Variants in DNM1 observed in about 807,000 individuals in gnomAD.
DNM1 encodes the protein dynamin-1.
In DNM1, 29 loss-of-function variants were observed where a neutral mutation model predicts 104.6. That is an observed-to-expected ratio of 0.28 (90% CI 0.21 to 0.38). DNM1 has a LOEUF of 0.38. Among genes scored for constraint, DNM1 ranks in the 10% least tolerant of loss-of-function variants. DNM1 has a pLI of 1.00. For missense variants in DNM1, 640 were observed against 1,189.4 expected, an observed-to-expected ratio of 0.54 and a Z score of 6.79; for synonymous variants, 445 against 475.8, an observed-to-expected ratio of 0.94 and a Z score of 0.84.
In DNM1 at chr9:128,219,880, G is replaced by T. The variant is rs113130815; in HGVS notation, c.590-108G>T. 1.6e-5 allele frequency: 12 copies of T among 754,322 alleles called. 1 individual carries two copies. In the African/African-American group the frequency reaches 1.9e-4, roughly 12 times the overall value. 46.7% of individuals were successfully genotyped at this position (754,322 alleles called of 1,614,324 possible). A position where few individuals can be genotyped will look rare whatever the true frequency, so the allele number is the denominator to read the frequency against. ...GAATAAGGGGGAAAGAGAGGAGGCA[G>T]TGAGCAGGCAGGGGGCCGAGGAGAG... is the stretch of plus-strand genomic sequence containing the variant. On this transcript the variant is annotated intron_variant, in intron 4 of 21. Transcript: ENST00000372923.
rs1486631555 is a variant in DNM1 at position 128,220,406 on chromosome 9, T to A, written c.849+65T>A. ...ATGAAAACAGGATAAATTAAGTGTG[T>A]TCTGAGAGTGAACAGCAGAGGTTAG... On this transcript the variant is annotated intron_variant, in intron 6 of 21. Transcript: ENST00000372923. This position sits in a 1 kb window ranked among gnomAD's most constrained non-coding sequence, Gnocchi z 5.2. 12 of 1,584,500 alleles carry A rather than the reference T, an allele frequency of 7.6e-6. No homozygotes were observed. The highest frequency in any genetic ancestry group is 1.3e-5 in the African/African-American group (1 of 74,512).
At chr9:128,246,636 T>C in intron 16 of DNM1, 133 bp downstream of exon 16, 1 of 646,002 alleles carries the variant, frequency 1.5e-6, no homozygotes, top group Non-Finnish European at 2.8e-6. Flanking sequence ...TGACAGATGC[T>C]TATTGAGTTC....
Position 128,248,654 on chromosome 9 carries a change from G to A in DNM1, c.1977G>A (p.Val659=). ...TGGACCCACAGCTGGAACGGCAAGTGGAGACCATCCGGAATCTTGTGGACT... is the reference window on the plus strand; with the variant it reads ...TGGACCCACAGCTGGAACGGCAAGTAGAGACCATCCGGAATCTTGTGGACT... ...HSMDPQLERQ[V]ETIRNLVDSY... is the part of the protein sequence containing the mutation. Residue 659 remains valine (V), a synonymous_variant, in exon 19 of 22, where the codon GTG becomes GTA. Transcript: ENST00000372923. This position sits in a 1 kb window ranked among gnomAD's most constrained non-coding sequence, Gnocchi z 5.6. The A allele has an allele frequency of 1.2e-6, 2 of 1,614,062 alleles. No individual in the cohort carries two copies. Among genetic ancestry groups the A allele is most frequent in the East Asian group, 2.2e-5 (1 of 44,878 alleles).
In DNM1 at chr9:128,248,224, G is replaced by A. The variant is rs1299887344; in HGVS notation, c.1905+289G>A. On this transcript the variant is annotated intron_variant, in intron 18 of 21. Transcript: ENST00000372923. The surrounding 1 kb of genome is among the most constrained non-coding windows in gnomAD (Gnocchi z 5.6). ...CGCCTGTAATCCCAGCTACTCAGGA[G>A]GCTGAGGCAGGAGAATCGCTTGAAC... 1.9e-6 allele frequency: 1 copy of A among 517,948 alleles called. No individual in the cohort carries two copies. The highest frequency in any genetic ancestry group is 3.5e-6 in the Non-Finnish European group (1 of 287,832). 32.1% of individuals were successfully genotyped at this position (517,948 alleles called of 1,614,324 possible).
At position 128,239,761 on chromosome 9, in the gene DNM1, G is replaced by T; in HGVS notation, c.1527G>T (p.Lys509Asn). The T allele has an allele frequency of 6.2e-7, 1 of 1,613,942 alleles. No individual in the cohort carries two copies. Among genetic ancestry groups the T allele is most frequent in the Non-Finnish European group, 8.5e-7 (1 of 1,179,946 alleles). ...AQQRSNQMNK[K>N]KTSGNQDEIL... ...AGAGGAGCAACCAGATGAACAAGAAGAAGACTTCAGGGAACCAGGTGAGTG... is the reference window on the plus strand; with the variant it reads ...AGAGGAGCAACCAGATGAACAAGAATAAGACTTCAGGGAACCAGGTGAGTG... Residue 509 changes from lysine to asparagine, a missense_variant, in exon 13 of 22, where the codon AAG becomes AAT. Physicochemically the swap from Lys to Asn is moderately conservative, Grantham distance 94 (BLOSUM62 0). Around this residue, in one of 7 missense-constraint regions of DNM1, gnomAD observed 91 missense variants for 256.3 expected, o/e 0.36. Coordinates refer to ENST00000372923, the MANE Select transcript of DNM1 (RefSeq NM_004408.4).
rs377617725 is a variant in DNM1, at chr9:128,254,610, G to A, written c.2535-44G>A. The A allele has an allele frequency of 2.3e-5, 36 of 1,589,472 alleles. No homozygotes were observed. The highest frequency in any genetic ancestry group is 2.7e-5 in the Non-Finnish European group (32 of 1,175,458). The stretch of plus-strand genomic sequence containing the variant: ...CGCTTGCCTTACCAGCTCTCTCCTC[G>A]CTTTTCTCTCCCGTTTTCTCTCTGC... On this transcript the variant is annotated intron_variant, in intron 21 of 21. Transcript: ENST00000372923. The surrounding 1 kb of genome is among the most constrained non-coding windows in gnomAD (Gnocchi z 6.1).
chr9:128,246,038 A>C (rs1251288610), intron 15 of DNM1, among the ~76,000 whole-genome samples: 1 of 152,190 alleles, frequency 6.6e-6, no homozygotes, highest in Non-Finnish European at 1.5e-5. Flanking sequence ...ATGAAGTCAG[A>C]GGCGGCCAGG....
At chr9:128,239,000 T>C (rs1479704342) in intron 11 of DNM1, among the ~76,000 whole-genome samples, 1 of 151,360 alleles carries the variant, frequency 6.6e-6, no homozygotes, top group African/African-American at 2.4e-5. Flanking sequence ...TCTCCTCTCC[T>C]CTCCTCTCTT....
intron 11 of DNM1, among the ~76,000 whole-genome samples, chr9:128,237,358 T>G (rs1588419071): frequency 1.3e-5 from 2 of 150,560 alleles, no homozygotes; most frequent in Non-Finnish European, 3.0e-5. Context: ...GCCTCCCGGG[T>G]TCAAGCCATT....
intron 12 of DNM1, 52 bp downstream of exon 12, chr9:128,239,567 CGTGTGTGTGTGTGTGTGTGTGTGT>C (rs34036148): frequency 3.6e-5 from 32 of 882,372 alleles, no homozygotes; most frequent in African/African-American, 1.7e-4. Context: ...GAGAAGGTAA[CGTGTGTGTGTGTGTGTGTGTGTGT>C]GTGTGTGTGT....
chr9:128,226,219 T>C, intron 10 of DNM1: 2 of 1,607,622 alleles, frequency 1.2e-6, no homozygotes, highest in Non-Finnish European at 1.7e-6. Flanking sequence ...GTCCATTCCT[T>C]GTGGCCACAG....
chr9:128,242,537 A>G (rs1000805282), intron 15 of DNM1, among the ~76,000 whole-genome samples, 192 bp downstream of exon 15: 2 of 152,106 alleles, frequency 1.3e-5, no homozygotes, highest in African/African-American at 4.8e-5. Context: ...AGGCAGGTGG[A>G]TCACCTGCGG....
chr9:128,220,901 C>CTTTCTTTCTTTCTT lies in DNM1; in HGVS notation c.849+562_849+575dup, dbSNP rs1331665192. On this transcript the variant is annotated intron_variant, in intron 6 of 21. Transcript: ENST00000372923. This position sits in a 1 kb window ranked among gnomAD's most constrained non-coding sequence, Gnocchi z 5.2. ...CTTTATTTGTTTTCTTTCTTTCTTTCTTTCTTTCTTTCTTTCTTTCTTTCT... is the reference window on the plus strand; with the variant it reads ...CTTTATTTGTTTTCTTTCTTTCTTTCTTTCTTTCTTTCTTTTTCTTTCTTTCTTTCTTTCTTTCT... Among the ~76,000 whole-genome samples the CTTTCTTTCTTTCTT allele has an allele frequency of 7.0e-6, 1 of 143,310 alleles. No individual in the cohort carries two copies. 94.0% of individuals were successfully genotyped at this position (143,310 alleles called of 152,430 possible). A position where few individuals can be genotyped will look rare whatever the true frequency, so the allele number is the denominator to read the frequency against.
chr9:128,234,118 C>T lies in DNM1; in HGVS notation c.1422+11C>T. ...CGCACTAAGGAGCAGGTGAGCCCCG[C>T]AGCACCCGGCCTGGCCGCGCCTTCC... On this transcript the variant is annotated intron_variant, in intron 11 of 21. Transcript: ENST00000372923. 2 of 1,528,256 alleles carry T rather than the reference C, an allele frequency of 1.3e-6. No homozygotes were observed. Among genetic ancestry groups the T allele is most frequent in the East Asian group, 2.5e-5 (1 of 40,300 alleles). 94.7% of individuals were successfully genotyped at this position (1,528,256 alleles called of 1,614,324 possible). A position where few individuals can be genotyped will look rare whatever the true frequency, so the allele number is the denominator to read the frequency against.
At chr9:128,242,525 C>A (rs373691152) in intron 15 of DNM1, among the ~76,000 whole-genome samples, 180 bp downstream of exon 15, 1 of 152,032 alleles carries the variant, frequency 6.6e-6, no homozygotes, top group Admixed American at 6.6e-5. Flanking sequence ...TTTGGGAGGC[C>A]GAGGCAGGTG....
rs1187265178 is a variant in DNM1 at position 128,247,535 on chromosome 9, C to T, written c.1893+49C>T. The T allele has an allele frequency of 1.4e-6, 2 of 1,415,930 alleles. No individual in the cohort carries two copies. Among genetic ancestry groups the T allele is most frequent in the South Asian group, 2.4e-5 (2 of 84,102 alleles). 87.7% of individuals were successfully genotyped at this position (1,415,930 alleles called of 1,614,324 possible). ...AAGGGCAAGCATGATCCTAGGGCCC[C>T]TGGGGCACCATCCTCAGTGATGCCA... On this transcript the variant is annotated intron_variant, in intron 17 of 21. Coordinates refer to ENST00000372923, the MANE Select transcript of DNM1 (RefSeq NM_004408.4). The surrounding 1 kb of genome is among the most constrained non-coding windows in gnomAD (Gnocchi z 5.1).
In DNM1 at chr9:128,220,335, C is replaced by T. The variant is rs764376283; in HGVS notation, c.843C>T (p.Leu281=). 3.1e-6 allele frequency: 5 copies of T among 1,613,774 alleles called. No individual in the cohort carries two copies. The highest frequency in any genetic ancestry group is 1.7e-5 in the Admixed American group (1 of 60,022). The change falls in exon 6 of 22, where the codon CTC becomes CTT. Residue 281 remains leucine, a synonymous_variant. Transcript: ENST00000372923. The surrounding 1 kb of genome is among the most constrained non-coding windows in gnomAD (Gnocchi z 5.2). ...GCACGCCCTACCTGCAGAAGGTCCT[C>T]AATCAGGTAGGCGACCAAGCCAGGA... ...RMGTPYLQKV[L]NQQLTNHIRD...
At chr9:128,212,191 CA>C (rs1834342080) in intron 1 of DNM1, among the ~76,000 whole-genome samples, 1 of 152,216 alleles carries the variant, frequency 6.6e-6, no homozygotes, top group African/African-American at 2.4e-5. Flanking sequence ...ATTCCCTCAG[CA>C]GCCCTAGGAG....
chr9:128,244,722 C>T lies in DNM1; in HGVS notation c.1672-1672C>T, dbSNP rs146892675. On this transcript the variant is annotated intron_variant, in intron 15 of 21. Coordinates refer to ENST00000372923, the MANE Select transcript of DNM1 (RefSeq NM_004408.4). ...TCCAGCTCTCCAGTGGCGGCGGTGC[C>T]GAGGGTCTAACCCAGCCCAGCCTAA... 6.8e-3 allele frequency: 3,615 copies of T among 531,334 alleles called. 21 individuals are homozygous for T. The highest frequency in any genetic ancestry group is 9.9e-3 in the Non-Finnish European group (2,549 of 258,072). 32.9% of individuals were successfully genotyped at this position (531,334 alleles called of 1,614,324 possible).
Sources: gnomAD v4.1 joint callset for allele counts (sites outside exome capture counted in the v4.1 genomes callset) on GRCh38, gnomAD v4.1.1 for gene constraint, gnomAD v4.1.1 regional missense constraint, Gnocchi (gnomAD v3.1) non-coding constraint, MANE v1.5 for transcripts, NCBI Gene and HGNC (gene_info 2026-07-23, HGNC 2026-07-21) for gene names.